Variants in TAMM41 observed in about 807,000 individuals in gnomAD.
The protein encoded by TAMM41 is phosphatidate cytidylyltransferase, mitochondrial.
In TAMM41, 36 loss-of-function variants were observed where a neutral mutation model predicts 44.1. That is an observed-to-expected ratio of 0.82 (90% CI 0.63 to 1.08). TAMM41 has a LOEUF of 1.08. Ranked by LOEUF, TAMM41 falls within the 50% of genes least tolerant of loss-of-function variation. The pLI is 0.00. For missense variants in TAMM41, 417 were observed against 404.3 expected (o/e 1.03, Z -0.27); for synonymous variants, 164 against 153.1 (o/e 1.07, Z -0.53).
the TAMM41 span, among the ~76,000 whole-genome samples, chr3:11,755,335 C>T: frequency 6.6e-6 from 1 of 151,990 alleles, no homozygotes; most frequent in Middle Eastern, 3.2e-3. Flanking sequence ...CACAAGGGAC[C>T]CAGGAAGAAA....
chr3:11,738,056 A>G, the TAMM41 span, among the ~76,000 whole-genome samples: 3,581 of 152,352 alleles, frequency 0.024, 130 homozygotes, highest in African/African-American at 0.081. Context: ...CACTGTAAAC[A>G]CAAAGGCAAA....
rs183385618 is a variant in TAMM41, at chr3:11,794,753, G to A, written c.938-4172C>T. Among the ~76,000 whole-genome samples, 32 of 152,274 alleles carry A rather than the reference G, an allele frequency of 2.1e-4. No individual in the cohort carries two copies. The East Asian group carries it at 5.2e-3, about 25-fold the overall frequency. On this transcript the variant is annotated intron_variant, in intron 7 of 7. Coordinates refer to ENST00000455809, the MANE Select transcript of TAMM41 (RefSeq NM_001284401.2). ...CCCCGTGTGATCTTAAAACAGATGGGCTACTGACAGACAAACTCTCCAGGA... is the reference window on the plus strand; with the variant it reads ...CCCCGTGTGATCTTAAAACAGATGGACTACTGACAGACAAACTCTCCAGGA...
At chr3:11,729,538 C>CT in the TAMM41 span, among the ~76,000 whole-genome samples, 107 of 65,492 alleles carry the variant, frequency 1.6e-3, 5 homozygotes, top group African/African-American at 2.7e-3. Flanking sequence ...TTCTTTCTTT[C>CT]ATTTTTTTTT....
the TAMM41 span, among the ~76,000 whole-genome samples, chr3:11,759,357 C>T: frequency 2.0e-5 from 3 of 151,838 alleles, no homozygotes; most frequent in South Asian, 6.2e-4. Context: ...GTGCCAGGCA[C>T]TGCACGAGGC....
intron 7 of TAMM41, chr3:11,807,460 G>A (rs983160374): frequency 2.6e-6 from 4 of 1,536,016 alleles, no homozygotes. Flanking sequence ...CACTAAGACA[G>A]ATGGAAGCAG....
chr3:11,839,488 G>A (rs2079339017), intron 2 of TAMM41, among the ~76,000 whole-genome samples, 174 bp from the exon 3 acceptor site: 1 of 152,132 alleles, frequency 6.6e-6, no homozygotes. Flanking sequence ...CTTTTGAGAG[G>A]TTAAGTGTCC....
intron 4 of TAMM41, among the ~76,000 whole-genome samples, chr3:11,828,335 C>T (rs2078841577): frequency 6.6e-6 from 1 of 152,200 alleles, no homozygotes; most frequent in African/African-American, 2.4e-5. Context: ...GTGAAAGCAG[C>T]TATGTCATTT....
the TAMM41 span, among the ~76,000 whole-genome samples, chr3:11,780,151 C>A: frequency 6.6e-6 from 1 of 152,226 alleles, no homozygotes; most frequent in Non-Finnish European, 1.5e-5. Context: ...GCTCAAAAAT[C>A]CCTGGCTGGC....
chr3:11,733,794 CA>C, the TAMM41 span, among the ~76,000 whole-genome samples: 1 of 151,864 alleles, frequency 6.6e-6, no homozygotes, highest in African/African-American at 2.4e-5. Context: ...CACGCCCGGC[CA>C]GGGGGGTCCT....
At chr3:11,832,870 G>T (rs2125041096) in intron 3 of TAMM41, 1 of 472,900 alleles carries the variant, frequency 2.1e-6, no homozygotes, top group Non-Finnish European at 2.8e-6. Context: ...GCAAAGAAAA[G>T]ACTAAGTCTT....
chr3:11,734,642 A>G, the TAMM41 span, among the ~76,000 whole-genome samples: 30 of 152,180 alleles, frequency 2.0e-4, no homozygotes, highest in Non-Finnish European at 4.0e-4. Context: ...TTGAGTGTCT[A>G]CTATGTGCTG....
At chr3:11,798,747 C>T (rs1371687922) in intron 7 of TAMM41, among the ~76,000 whole-genome samples, 1 of 152,076 alleles carries the variant, frequency 6.6e-6, no homozygotes, top group Non-Finnish European at 1.5e-5. Context: ...ACCAGTCACT[C>T]GGTGCCTGTC....
chr3:11,745,681 G>A, the TAMM41 span, among the ~76,000 whole-genome samples: 2 of 152,178 alleles, frequency 1.3e-5, no homozygotes, highest in African/African-American at 2.4e-5. Context: ...GTGGGAAGAG[G>A]AAATGGGAAG....
At chr3:11,817,112 T>C in intron 5 of TAMM41, 80 bp downstream of exon 5, 2 of 1,429,016 alleles carry the variant, frequency 1.4e-6, no homozygotes, top group South Asian at 1.3e-5. Context: ...ACACCAGTCA[T>C]GCTGTTCTAC....
the TAMM41 span, among the ~76,000 whole-genome samples, chr3:11,758,961 C>T: frequency 1.3e-5 from 2 of 152,198 alleles, 1 homozygote; most frequent in Non-Finnish European, 2.9e-5. Flanking sequence ...CGTGAGCCAC[C>T]TTGCCCAGCC....
intron 7 of TAMM41, among the ~76,000 whole-genome samples, chr3:11,793,237 G>A (rs912863637): frequency 1.3e-5 from 2 of 152,040 alleles, no homozygotes; most frequent in African/African-American, 2.4e-5. Flanking sequence ...CTTCACAAAA[G>A]AGCATATCCA....
rs1234142486 is a variant in TAMM41 at position 11,809,460 on chromosome 3, CAA to C, written c.874+55_874+56del. 8.2e-6 allele frequency: 13 copies of C among 1,594,288 alleles called. No individual in the cohort carries two copies. In the African/African-American group the frequency reaches 1.4e-4, roughly 17 times the overall value. On this transcript the variant is annotated intron_variant, in intron 6 of 7. Coordinates refer to ENST00000455809, the MANE Select transcript of TAMM41 (RefSeq NM_001284401.2). ...AGAAATAATACATTCCAATCACAAA[CAA>C]AGTCTGCTTTTCCCCATGGCTGGCA...
At chr3:11,807,172 ACT>A (rs1559278262) in intron 7 of TAMM41, 1 of 1,345,126 alleles carries the variant, frequency 7.4e-7, no homozygotes, top group African/African-American at 1.5e-5. Flanking sequence ...CAGCGAAGAC[ACT>A]CTCCATGAGA....
the TAMM41 span, among the ~76,000 whole-genome samples, chr3:11,753,029 T>C: frequency 6.6e-6 from 1 of 152,080 alleles, no homozygotes; most frequent in Admixed American, 6.6e-5. Flanking sequence ...GGGGTTCAGA[T>C]AGTGCTGTGA....
Sources: allele counts gnomAD v4.1 joint callset (sites outside exome capture counted in the v4.1 genomes callset), GRCh38; gene constraint gnomAD v4.1.1; transcripts MANE v1.5; gene names NCBI Gene and HGNC (gene_info 2026-07-23, HGNC 2026-07-21).